CNTNAP2: variants seen among roughly 807,000 people sequenced by gnomAD.
CNTNAP2 encodes contactin associated protein 2.
CNTNAP2 carries 98 observed loss-of-function variants against 155.2 expected under a neutral mutation model. That is an observed-to-expected ratio of 0.63 (90% CI 0.54 to 0.75). The LOEUF (loss-of-function observed/expected upper bound fraction) is 0.75. Ranked by LOEUF, CNTNAP2 falls within the 30% of genes least tolerant of loss-of-function variation. CNTNAP2 has a pLI of 0.00. For missense variants in CNTNAP2, 1,727 were observed against 1,688.1 expected, an observed-to-expected ratio of 1.02 and a Z score of -0.40; for synonymous variants, 651 against 631.2, an observed-to-expected ratio of 1.03 and a Z score of -0.47.
chr7:146,743,062 C>T (rs1175053569), intron 1 of CNTNAP2, among the ~76,000 whole-genome samples: 6 of 151,692 alleles, frequency 4.0e-5, no homozygotes, highest in South Asian at 2.1e-4. Flanking sequence ...ATGTCTGCAT[C>T]GAAACCCTGA....
chr7:146,158,203 G>A (rs1209250821), intron 1 of CNTNAP2, among the ~76,000 whole-genome samples: 3 of 152,082 alleles, frequency 2.0e-5, no homozygotes, highest in African/African-American at 7.2e-5. Context: ...GTAACAAACA[G>A]AAAGGACACC....
intron 9 of CNTNAP2, among the ~76,000 whole-genome samples, chr7:147,317,800 A>ATATATGTG (rs57686568): frequency 2.3e-3 from 348 of 148,562 alleles, no homozygotes; most frequent in East Asian, 5.9e-3. Flanking sequence ...GTGTGTGTGT[A>ATATATGTG]TATGTATATA....
At chr7:147,502,071 C>T (rs1263800132) in intron 11 of CNTNAP2, among the ~76,000 whole-genome samples, 3 of 152,128 alleles carry the variant, frequency 2.0e-5, no homozygotes, top group African/African-American at 4.8e-5. Context: ...AAAGTGAAGA[C>T]GACACAAATA....
rs543788085 is a variant in CNTNAP2, at chr7:147,870,735, A to G, written c.2099-32830A>G. On this transcript the variant is annotated intron_variant, in intron 13 of 23. Coordinates refer to ENST00000361727, the MANE Select transcript of CNTNAP2 (RefSeq NM_014141.6). ...ATAGAACATCCAAGGCCAACAATAC[A>G]CTTCTTGTCCTTGAGAACAGGTGGA... Among the ~76,000 whole-genome samples the G allele has an allele frequency of 4.6e-5, 7 of 152,152 alleles. No homozygotes were observed. In the South Asian group the frequency reaches 1.5e-3, roughly 32 times the overall value.
chr7:147,522,434 G>T (rs1300941082), intron 11 of CNTNAP2, among the ~76,000 whole-genome samples: 1 of 151,290 alleles, frequency 6.6e-6, no homozygotes, highest in Non-Finnish European at 1.5e-5. Flanking sequence ...TAATATTTTA[G>T]AAAAAAAACC....
At chr7:147,367,647 T>A (rs1283206152) in intron 9 of CNTNAP2, among the ~76,000 whole-genome samples, 1 of 152,094 alleles carries the variant, frequency 6.6e-6, no homozygotes, top group Non-Finnish European at 1.5e-5. Flanking sequence ...AATGGAAGAA[T>A]TTACCACCCT....
At chr7:146,505,736 T>C (rs114871187) in intron 1 of CNTNAP2, among the ~76,000 whole-genome samples, 215 of 152,282 alleles carry the variant, frequency 1.4e-3, no homozygotes, top group African/African-American at 4.8e-3. Context: ...TTTACAGACA[T>C]TGGGGCAGGC....
chr7:146,383,970 C>T (rs1795426126), intron 1 of CNTNAP2, among the ~76,000 whole-genome samples: 2 of 152,234 alleles, frequency 1.3e-5, no homozygotes, highest in African/African-American at 4.8e-5. Context: ...ATCTTACCCT[C>T]AACCTGTTTG....
At chr7:146,631,967 G>T (rs1037932569) in intron 1 of CNTNAP2, among the ~76,000 whole-genome samples, 1 of 151,990 alleles carries the variant, frequency 6.6e-6, no homozygotes, top group African/African-American at 2.4e-5. Context: ...GATAAAAATT[G>T]ATTAAAAGTA....
At chr7:146,625,180 T>C (rs1324618609) in intron 1 of CNTNAP2, among the ~76,000 whole-genome samples, 1 of 151,926 alleles carries the variant, frequency 6.6e-6, no homozygotes, top group East Asian at 1.9e-4. Flanking sequence ...TTGACACATA[T>C]GGTCAGAGAG....
chr7:147,471,700 C>A lies in CNTNAP2; in HGVS notation c.1671-14235C>A, dbSNP rs146138835. 1.6e-4 allele frequency among the ~76,000 whole-genome samples: 24 copies of A among 152,296 alleles called. 1 individual carries two copies. Among genetic ancestry groups the A allele is most frequent in the African/African-American group, 5.3e-4 (22 of 41,554 alleles). On this transcript the variant is annotated intron_variant, in intron 10 of 23. Coordinates refer to ENST00000361727, the MANE Select transcript of CNTNAP2 (RefSeq NM_014141.6). ...TTCTTCAACCATTACTTCTTGAGAA[C>A]CTACTCAATGCCAGACAGTATTCTA...
At chr7:146,832,296 T>C (rs1008633433) in intron 2 of CNTNAP2, among the ~76,000 whole-genome samples, 1 of 152,094 alleles carries the variant, frequency 6.6e-6, no homozygotes, top group East Asian at 1.9e-4. Context: ...TGGTGTCATG[T>C]CTTTTTTAGT....
At chr7:146,346,805 A>G (rs1369202625) in intron 1 of CNTNAP2, among the ~76,000 whole-genome samples, 2 of 152,270 alleles carry the variant, frequency 1.3e-5, no homozygotes, top group East Asian at 1.9e-4. Flanking sequence ...CCTACACCCA[A>G]GTTTCATGGG....
At chr7:146,244,461 A>G (rs977981383) in intron 1 of CNTNAP2, among the ~76,000 whole-genome samples, 6 of 152,202 alleles carry the variant, frequency 3.9e-5, no homozygotes, top group African/African-American at 1.4e-4. Flanking sequence ...AGGAGCGTCT[A>G]TACAGGAGCT....
intron 15 of CNTNAP2, among the ~76,000 whole-genome samples, chr7:147,995,877 C>T (rs949149550): frequency 2.0e-5 from 3 of 152,200 alleles, no homozygotes; most frequent in Non-Finnish European, 4.4e-5. Context: ...TGAGCTGATC[C>T]TTTGTATCTC....
At chr7:148,235,683 TTA>T (rs1182746722) in intron 20 of CNTNAP2, among the ~76,000 whole-genome samples, 3 of 81,920 alleles carry the variant, frequency 3.7e-5, no homozygotes, top group African/African-American at 1.2e-4. Flanking sequence ...TGTGCAGCAA[TTA>T]TTTTTTTTTT....
intron 14 of CNTNAP2, among the ~76,000 whole-genome samples, chr7:147,949,218 A>G (rs1479402139): frequency 6.6e-6 from 1 of 151,956 alleles, no homozygotes; most frequent in African/African-American, 2.4e-5. Context: ...AGAAAAGAAA[A>G]AAGAAAGAAA....
chr7:146,775,039 T>C (rs10243872), intron 2 of CNTNAP2, among the ~76,000 whole-genome samples: 1,887 of 152,244 alleles, frequency 0.012, 45 homozygotes, highest in African/African-American at 0.042. Context: ...CAAACATCAG[T>C]GAATGGCAAC....
intron 2 of CNTNAP2, among the ~76,000 whole-genome samples, chr7:146,820,117 C>T (rs1803249421): frequency 6.6e-6 from 1 of 152,106 alleles, no homozygotes; most frequent in Non-Finnish European, 1.5e-5. Flanking sequence ...CTCATGCTTT[C>T]TGAATTAAAA....
Sources: allele counts gnomAD v4.1 joint callset (sites outside exome capture counted in the v4.1 genomes callset), GRCh38; gene constraint gnomAD v4.1.1; transcripts MANE v1.5; gene names NCBI Gene and HGNC (gene_info 2026-07-23, HGNC 2026-07-21).